Variants in DSCAM observed in about 807,000 individuals in gnomAD.
The protein encoded by DSCAM is DS cell adhesion molecule, also known as cell adhesion molecule DSCAM.
Under a neutral mutation model 217.7 loss-of-function variants are expected in DSCAM, and 47 were observed. The ratio of observed to expected loss-of-function variants is 0.22; its 90% CI spans 0.17 to 0.28. The LOEUF (loss-of-function observed/expected upper bound fraction) is 0.28, where lower values mean the gene tolerates loss of function less well. Among genes scored for constraint, DSCAM ranks in the 10% least tolerant of loss-of-function variants. DSCAM has a pLI of 1.00. For missense variants in DSCAM, 2,080 were observed against 2,618.3 expected (o/e 0.79, Z 4.49); for synonymous variants, 1,056 against 1,015.3 (o/e 1.04, Z -0.76).
chr21:40,480,027 T>G (rs1257243623), intron 3 of DSCAM, among the ~76,000 whole-genome samples: 1 of 152,170 alleles, frequency 6.6e-6, no homozygotes, highest in Non-Finnish European at 1.5e-5. Flanking sequence ...AAACTAAATA[T>G]TGTGCCACAA....
Position 40,412,685 on chromosome 21 carries a change from T to C in DSCAM, c.509-43440A>G, listed in dbSNP as rs141961383. ...TTAAAAGGGGAACAGAGCATTAAGG[T>C]TGGGAAAATTTGTAACATCACCATG... On this transcript the variant is annotated intron_variant, in intron 3 of 32. Transcript: ENST00000400454. Among the ~76,000 whole-genome samples, 14 of 152,236 alleles carry C rather than the reference T, an allele frequency of 9.2e-5. 1 individual carries two copies. Among genetic ancestry groups the C allele is most frequent in the Admixed American group, 8.5e-4 (13 of 15,294 alleles).
chr21:40,103,482 T>C (rs1185114913), intron 20 of DSCAM, among the ~76,000 whole-genome samples: 22 of 152,174 alleles, frequency 1.4e-4, no homozygotes, highest in Admixed American at 7.9e-4. Context: ...TAATTTAAGA[T>C]TTTTAAAATT....
intron 11 of DSCAM, among the ~76,000 whole-genome samples, chr21:40,252,619 A>G (rs112282223): frequency 0.013 from 1,978 of 152,314 alleles, 42 homozygotes; most frequent in African/African-American, 0.046. Flanking sequence ...CAGAAAAAAA[A>G]TACTAAGAAG....
intron 3 of DSCAM, among the ~76,000 whole-genome samples, chr21:40,409,871 T>C (rs998402339): frequency 1.3e-4 from 20 of 152,134 alleles, no homozygotes; most frequent in Admixed American, 1.2e-3. Context: ...CAGTAAACTG[T>C]CCAACAATAT....
At chr21:40,728,511 C>T (rs1426045732) in intron 1 of DSCAM, among the ~76,000 whole-genome samples, 2 of 152,042 alleles carry the variant, frequency 1.3e-5, no homozygotes, top group Non-Finnish European at 2.9e-5. Flanking sequence ...CTCCGTCTCC[C>T]GGGTTCAAGC....
intron 3 of DSCAM, among the ~76,000 whole-genome samples, chr21:40,456,490 G>A (rs1016078976): frequency 6.6e-6 from 1 of 152,130 alleles, no homozygotes; most frequent in African/African-American, 2.4e-5. Flanking sequence ...AAATAGGCAG[G>A]AATTGCAGGG....
chr21:40,696,509 C>G (rs1460706011), intron 2 of DSCAM, among the ~76,000 whole-genome samples: 2 of 152,272 alleles, frequency 1.3e-5, no homozygotes, highest in Non-Finnish European at 1.5e-5. Flanking sequence ...GGGCTGGCCT[C>G]AGGAGGATGG....
In DSCAM at chr21:40,587,123, G is replaced by A. The variant is rs190294826; in HGVS notation, c.508+105687C>T. Among the ~76,000 whole-genome samples the A allele has an allele frequency of 4.7e-4, 72 of 152,220 alleles. No individual in the cohort carries two copies. The East Asian group carries it at 8.9e-3, about 19-fold the overall frequency. The stretch of plus-strand genomic sequence containing the variant: ...AAAGGCTTTGGGAGCGAATTAATAC[G>A]TGTAATAATCTCATCAATGAAACAA... On this transcript the variant is annotated intron_variant, in intron 3 of 32. Coordinates refer to ENST00000400454, the MANE Select transcript of DSCAM (RefSeq NM_001389.5).
chr21:40,094,396 A>C lies in DSCAM; in HGVS notation c.3697-522T>G, dbSNP rs531669805. Among the ~76,000 whole-genome samples, 111 of 152,262 alleles carry C rather than the reference A, an allele frequency of 7.3e-4. 1 individual carries two copies. The highest frequency in any genetic ancestry group is 2.6e-3 in the Admixed American group (39 of 15,290). ...GGGAGGTTGGCAGCCTTTCCAAGCT[A>C]AGGAGGCAGAGCTGAGAGCCTGAAG... On this transcript the variant is annotated intron_variant, in intron 20 of 32. Transcript: ENST00000400454.
chr21:40,269,093 CATGAATTGGAGATGCT>C (rs2073579939), intron 11 of DSCAM, among the ~76,000 whole-genome samples: 1 of 152,298 alleles, frequency 6.6e-6, no homozygotes, highest in Non-Finnish European at 1.5e-5. Context: ...AATCGCACTC[CATGAATTGGAGATGCT>C]GCTCTCTCCT....
chr21:40,529,306 C>T (rs1052958532), intron 3 of DSCAM, among the ~76,000 whole-genome samples: 8 of 152,154 alleles, frequency 5.3e-5, no homozygotes, highest in Admixed American at 1.3e-4. Context: ...TGCTAAGAGG[C>T]GCTGGCATGC....
chr21:40,102,924 GACCCATCCCTCTACTCCTTTTACTC>G (rs1160586176), intron 20 of DSCAM, among the ~76,000 whole-genome samples: 2 of 152,012 alleles, frequency 1.3e-5, no homozygotes, highest in Non-Finnish European at 2.9e-5. Context: ...CAGGCTCCCC[GACCCATCCCTCTACTCCTTTTACTC>G]ACCCATCCCT....
At chr21:40,080,466 C>CA in intron 24 of DSCAM, 126 bp from the exon 25 acceptor site, 1 of 825,360 alleles carries the variant, frequency 1.2e-6, no homozygotes, top group Non-Finnish European at 1.8e-6. Context: ...TCAGAAGGAA[C>CA]ATTTTCGCTC....
chr21:40,804,539 C>T (rs937594252), intron 1 of DSCAM, among the ~76,000 whole-genome samples: 2 of 152,224 alleles, frequency 1.3e-5, no homozygotes, highest in South Asian at 4.2e-4. Context: ...TCCCAGCACA[C>T]CTTCCTGGAG....
intron 3 of DSCAM, among the ~76,000 whole-genome samples, chr21:40,573,153 C>T (rs564704526): frequency 3.5e-4 from 54 of 152,132 alleles, no homozygotes; most frequent in African/African-American, 1.3e-3. Flanking sequence ...CTGGCTAACA[C>T]ATTGAAACCC....
intron 3 of DSCAM, among the ~76,000 whole-genome samples, chr21:40,556,729 C>T (rs915302481): frequency 6.6e-6 from 1 of 152,136 alleles, no homozygotes; most frequent in African/African-American, 2.4e-5. Flanking sequence ...AGAACTCACT[C>T]ACCCCTGAGG....
At chr21:40,291,426 T>C (rs1460657572) in intron 10 of DSCAM, among the ~76,000 whole-genome samples, 1 of 152,142 alleles carries the variant, frequency 6.6e-6, no homozygotes, top group Non-Finnish European at 1.5e-5. Context: ...CTCTCATTGC[T>C]CACCATACCC....
intron 3 of DSCAM, among the ~76,000 whole-genome samples, chr21:40,544,270 T>G (rs75671449): frequency 0.016 from 2,468 of 152,284 alleles, 53 homozygotes; most frequent in East Asian, 0.039. Flanking sequence ...GCAAATCACT[T>G]GGAAGAGTCT....
intron 3 of DSCAM, among the ~76,000 whole-genome samples, chr21:40,469,342 C>T (rs548785165): frequency 4.7e-4 from 71 of 152,160 alleles, no homozygotes; most frequent in Non-Finnish European, 4.4e-5. Context: ...TGGGAAAGCA[C>T]AGGATTTAGG....
Sources: allele counts gnomAD v4.1 joint callset (sites outside exome capture counted in the v4.1 genomes callset), GRCh38; gene constraint gnomAD v4.1.1; transcripts MANE v1.5; gene names NCBI Gene and HGNC (gene_info 2026-07-23, HGNC 2026-07-21).